The following CACNA2D1 variants were observed in gnomAD, a reference collection of about 807,000 sequenced individuals.
The protein encoded by CACNA2D1 is voltage-dependent calcium channel subunit alpha-2/delta-1.
In CACNA2D1, 53 loss-of-function variants were observed where a neutral mutation model predicts 171.5. That is an observed-to-expected ratio of 0.31 (90% CI 0.25 to 0.39). The LOEUF is 0.39. Ranked by LOEUF, CACNA2D1 falls within the 10% of genes least tolerant of loss-of-function variation. The pLI, the probability that CACNA2D1 is intolerant of heterozygous loss-of-function variation, is 1.00. For missense variants in CACNA2D1, 903 were observed against 1,299.8 expected, an observed-to-expected ratio of 0.69 and a Z score of 4.69; for synonymous variants, 442 against 443.1, an observed-to-expected ratio of 1.00 and a Z score of 0.03.
intron 1 of CACNA2D1, among the ~76,000 whole-genome samples, chr7:82,377,681 T>G (rs1823177777): frequency 6.6e-6 from 1 of 152,174 alleles, no homozygotes; most frequent in Non-Finnish European, 1.5e-5. Flanking sequence ...GATCTTTTTC[T>G]TGCACTTTCT....
At chr7:82,130,596 T>A (rs951565263) in intron 5 of CACNA2D1, among the ~76,000 whole-genome samples, 26 of 151,914 alleles carry the variant, frequency 1.7e-4, no homozygotes, top group African/African-American at 5.3e-4. Flanking sequence ...TTGATATGAG[T>A]ACTAGGAAAT....
chr7:82,196,731 T>C (rs760997535), intron 3 of CACNA2D1, among the ~76,000 whole-genome samples: 2 of 151,806 alleles, frequency 1.3e-5, no homozygotes, highest in Non-Finnish European at 2.9e-5. Context: ...CGATTTATAT[T>C]TGTCAGAAAT....
chr7:82,373,994 AG>A (rs2129448557), intron 1 of CACNA2D1, among the ~76,000 whole-genome samples: 1 of 152,346 alleles, frequency 6.6e-6, no homozygotes, highest in African/African-American at 2.4e-5. Flanking sequence ...ATTTAACAAA[AG>A]TTGTGTCACC....
At chr7:82,023,311 A>G (rs1425954193) in intron 12 of CACNA2D1, among the ~76,000 whole-genome samples, 1 of 151,898 alleles carries the variant, frequency 6.6e-6, no homozygotes, top group Admixed American at 6.6e-5. Flanking sequence ...AGCTATACCT[A>G]TCTATAATCA....
At chr7:82,157,844 T>G (rs892711808) in intron 4 of CACNA2D1, among the ~76,000 whole-genome samples, 1 of 151,996 alleles carries the variant, frequency 6.6e-6, no homozygotes, top group Non-Finnish European at 1.5e-5. Context: ...GATTTTCAAA[T>G]AAAAGTATGA....
At chr7:82,006,316 A>G (rs1649772502) in intron 16 of CACNA2D1, among the ~76,000 whole-genome samples, 1 of 151,966 alleles carries the variant, frequency 6.6e-6, no homozygotes, top group Admixed American at 6.6e-5. Flanking sequence ...ACTATCCTAA[A>G]AGTATGTGAC....
At chr7:82,401,086 T>C (rs1280533809) in intron 1 of CACNA2D1, among the ~76,000 whole-genome samples, 1 of 151,982 alleles carries the variant, frequency 6.6e-6, no homozygotes, top group Admixed American at 6.6e-5. Flanking sequence ...GGAGAAATAG[T>C]AACACTTTTA....
At chr7:82,099,276 T>G (rs1019204029) in intron 6 of CACNA2D1, among the ~76,000 whole-genome samples, 1 of 152,254 alleles carries the variant, frequency 6.6e-6, no homozygotes, top group East Asian at 1.9e-4. Flanking sequence ...GTCTTCAATT[T>G]TTCCCTTCCA....
intron 4 of CACNA2D1, among the ~76,000 whole-genome samples, chr7:82,154,566 G>A (rs568898511): frequency 6.6e-6 from 1 of 152,028 alleles, no homozygotes; most frequent in Non-Finnish European, 1.5e-5. Flanking sequence ...AAAAACCTAC[G>A]CATTCTTTAC....
chr7:82,057,452 G>C (rs1005787787), intron 10 of CACNA2D1, among the ~76,000 whole-genome samples: 5 of 152,098 alleles, frequency 3.3e-5, no homozygotes, highest in Admixed American at 6.6e-5. Flanking sequence ...TGTGTTGGGG[G>C]AAAGGGGCAG....
At chr7:82,342,583 CAATAG>C (rs1454281249) in intron 2 of CACNA2D1, among the ~76,000 whole-genome samples, 2 of 151,988 alleles carry the variant, frequency 1.3e-5, no homozygotes, top group African/African-American at 4.8e-5. Context: ...TAAATTCCAA[CAATAG>C]AATAAATACA....
intron 1 of CACNA2D1, among the ~76,000 whole-genome samples, chr7:82,422,406 G>C (rs942254534): frequency 5.3e-5 from 8 of 152,098 alleles, no homozygotes; most frequent in African/African-American, 1.4e-4. Context: ...TCACTTAAAA[G>C]GGAAAAGCTA....
At chr7:82,186,230 AGAAG>A (rs1158760300) in intron 3 of CACNA2D1, among the ~76,000 whole-genome samples, 60 of 108,516 alleles carry the variant, frequency 5.5e-4, no homozygotes, top group African/African-American at 1.9e-3. Flanking sequence ...AGAGAGAGAG[AGAAG>A]GAAGGAAGGA....
intron 12 of CACNA2D1, chr7:82,021,132 A>G (rs1376425153): frequency 6.6e-6 from 1 of 152,130 alleles, no homozygotes; most frequent in South Asian, 2.1e-4. Flanking sequence ...TACTAGATAA[A>G]GGAAGAATAA....
chr7:82,179,135 A>G (rs1796852973), intron 3 of CACNA2D1, among the ~76,000 whole-genome samples: 1 of 152,092 alleles, frequency 6.6e-6, no homozygotes. Context: ...TGTCACTTAA[A>G]AAGTAGTAGA....
At chr7:82,203,537 G>A (rs759909359) in intron 3 of CACNA2D1, among the ~76,000 whole-genome samples, 15 of 152,160 alleles carry the variant, frequency 9.9e-5, no homozygotes, top group Non-Finnish European at 1.9e-4. Context: ...CCCTTGCCTA[G>A]AATTATGATG....
At chr7:81,959,392 T>A (rs1466724705) in intron 37 of CACNA2D1, 35 bp from the exon 38 acceptor site, 11 of 1,368,980 alleles carry the variant, frequency 8.0e-6, no homozygotes, top group Non-Finnish European at 1.1e-5. Flanking sequence ...TCATGTTAGT[T>A]TTTTTCACAT....
chr7:82,332,525 A>AGAGAAAGAAAG (rs1563380774), intron 3 of CACNA2D1, among the ~76,000 whole-genome samples: 2 of 50,996 alleles, frequency 3.9e-5, no homozygotes, highest in Non-Finnish European at 1.1e-4. Context: ...AAAGAAAGAA[A>AGAGAAAGAAAG]GAAAGAAAGA....
intron 3 of CACNA2D1, among the ~76,000 whole-genome samples, chr7:82,319,195 AT>A (rs1252259980): frequency 6.6e-6 from 1 of 152,188 alleles, no homozygotes; most frequent in Admixed American, 6.6e-5. Flanking sequence ...AAGACCTTCT[AT>A]TTTAAGGTCT....
Sources: allele counts gnomAD v4.1 joint callset (sites outside exome capture counted in the v4.1 genomes callset), GRCh38; gene constraint gnomAD v4.1.1; transcripts MANE v1.5; gene names NCBI Gene and HGNC (gene_info 2026-07-23, HGNC 2026-07-21).